The following CDH8 variants were observed in gnomAD, a reference collection of about 807,000 sequenced individuals.
CDH8 encodes the protein cadherin-8.
Under a neutral mutation model 68.1 loss-of-function variants are expected in CDH8, and 17 were observed. That is an observed-to-expected ratio of 0.25 (90% CI 0.17 to 0.37). CDH8 has a LOEUF of 0.37. Among genes scored for constraint, CDH8 ranks in the 10% least tolerant of loss-of-function variants. CDH8 has a pLI of 1.00. For missense variants in CDH8, 763 were observed against 999.3 expected (o/e 0.76, Z 3.19); for synonymous variants, 372 against 365.1 (o/e 1.02, Z -0.21).
intron 8 of CDH8, among the ~76,000 whole-genome samples, chr16:61,731,663 G>A (rs61221762): frequency 0.025 from 3,751 of 151,770 alleles, 152 homozygotes; most frequent in African/African-American, 0.085. Context: ...AGGAGGATTG[G>A]TAACTAGAAT....
chr16:61,935,798 G>A (rs982612222), intron 2 of CDH8, among the ~76,000 whole-genome samples: 29 of 152,122 alleles, frequency 1.9e-4, no homozygotes, highest in African/African-American at 3.6e-4. Flanking sequence ...AATGCATGCA[G>A]TATAACATCA....
chr16:61,936,255 A>C (rs1293184131), intron 2 of CDH8, among the ~76,000 whole-genome samples: 1 of 152,178 alleles, frequency 6.6e-6, no homozygotes, highest in African/African-American at 2.4e-5. Context: ...GTAAGAGAAA[A>C]AAATAGCATC....
Position 61,648,125 on chromosome 16 carries a change from G to A in CDH8, c.*5483C>T. The A allele has an allele frequency of 3.0e-6, 1 of 334,952 alleles. No individual in the cohort carries two copies. The highest frequency in any genetic ancestry group is 4.7e-5 in the Admixed American group (1 of 21,134). 20.7% of individuals were successfully genotyped at this position (334,952 alleles called of 1,614,324 possible). On this transcript the variant is annotated 3_prime_UTR_variant, in exon 12 of 12. Transcript: ENST00000577390. ...ACACTTACAACATTACAACTCAGGA[G>A]ATGACCCCAAATACCAGCATGTAAT...
rs1376364614 is a variant in CDH8, at chr16:61,650,139, T to C, written c.*3469A>G. 2 of 152,172 alleles carry C rather than the reference T, an allele frequency of 1.3e-5. No individual in the cohort carries two copies. Among genetic ancestry groups the C allele is most frequent in the Non-Finnish European group, 1.5e-5 (1 of 68,026 alleles). 9.4% of individuals were successfully genotyped at this position (152,172 alleles called of 1,614,324 possible). ...ACTTGAATTTAAAAATAGCATATTT[T>C]AGTCATCGTATTATAAATGTTTAGA... On this transcript the variant is annotated 3_prime_UTR_variant, in exon 12 of 12. Coordinates refer to ENST00000577390, the MANE Select transcript of CDH8 (RefSeq NM_001796.5).
At position 61,653,525 on chromosome 16, in the gene CDH8, T is replaced by C; in HGVS notation, c.*83A>G. On this transcript the variant is annotated 3_prime_UTR_variant, in exon 12 of 12. Coordinates refer to ENST00000577390, the MANE Select transcript of CDH8 (RefSeq NM_001796.5). ...GTGCTAAACTTGCCTCTAAAACAAA[T>C]AGCCACATTGGTTGTATCTAAGGGG... The C allele has an allele frequency of 6.6e-7, 1 of 1,511,620 alleles. No individual in the cohort carries two copies. 93.6% of individuals were successfully genotyped at this position (1,511,620 alleles called of 1,614,324 possible).
chr16:61,996,597 G>A (rs1309296274), intron 2 of CDH8, among the ~76,000 whole-genome samples: 1 of 151,970 alleles, frequency 6.6e-6, no homozygotes, highest in Non-Finnish European at 1.5e-5. Flanking sequence ...AGATAAGATG[G>A]TCACCAAGAA....
chr16:61,801,727 C>T (rs1257781733), intron 7 of CDH8, among the ~76,000 whole-genome samples: 2 of 152,180 alleles, frequency 1.3e-5, no homozygotes, highest in East Asian at 1.9e-4. Flanking sequence ...AAAATCGGGT[C>T]ACTCCCACCC....
chr16:61,944,982 C>G (rs1964778887), intron 2 of CDH8, among the ~76,000 whole-genome samples: 1 of 152,072 alleles, frequency 6.6e-6, no homozygotes, highest in South Asian at 2.1e-4. Flanking sequence ...AAATCTAAGA[C>G]AGCAGGTTCA....
Position 61,914,742 on chromosome 16 carries a change from T to TAA in CDH8, c.253-13271_253-13270dup, listed in dbSNP as rs536225911. 3.6e-4 allele frequency among the ~76,000 whole-genome samples: 47 copies of TAA among 129,368 alleles called. No individual in the cohort carries two copies. In the South Asian group the frequency reaches 6.4e-3, roughly 18 times the overall value. The allele number at this position is 129,368 out of a possible 152,430, so 84.9% of individuals were successfully genotyped here. A position where few individuals can be genotyped will look rare whatever the true frequency, so the allele number is the denominator to read the frequency against. On this transcript the variant is annotated intron_variant, in intron 2 of 11. Transcript: ENST00000577390. ...GTATAATAATAATAATAAAAAGAGT[T>TAA]AAAAAAAAAAAAAAAAGAATGATGC...
chr16:61,821,103 G>A lies in CDH8; in HGVS notation c.846C>T (p.His282=), dbSNP rs186698627. 1 of 1,609,408 alleles carries A rather than the reference G, an allele frequency of 6.2e-7. No homozygotes were observed. The highest frequency in any genetic ancestry group is 8.5e-7 in the Non-Finnish European group (1 of 1,177,038). The part of the protein sequence containing the change: ...NPPKFAQSLY[H]FSVPEDVVLG... ...GAACCACATCTTCCGGTACTGAGAA[G>A]TGATACAGGCCTTTAAAAAGAGGAG... Residue 282 remains histidine (H), a synonymous_variant, in exon 6 of 12, where the codon CAC becomes CAT. Transcript: ENST00000577390.
At chr16:61,948,468 T>C (rs1398063104) in intron 2 of CDH8, among the ~76,000 whole-genome samples, 4 of 152,098 alleles carry the variant, frequency 2.6e-5, no homozygotes, top group Middle Eastern at 3.2e-3. Flanking sequence ...AAATATGCTG[T>C]CCCCCAAAGG....
intron 10 of CDH8, among the ~76,000 whole-genome samples, chr16:61,685,175 T>C (rs1321204180): frequency 6.8e-6 from 1 of 146,834 alleles, no homozygotes; most frequent in African/African-American, 2.6e-5. Flanking sequence ...CTCTAAAGGG[T>C]CCTGTCTGAA....
intron 2 of CDH8, among the ~76,000 whole-genome samples, chr16:61,958,455 C>A (rs1423525604): frequency 1.3e-5 from 2 of 152,142 alleles, no homozygotes; most frequent in African/African-American, 4.8e-5. Flanking sequence ...TAATAAAATT[C>A]TATCATCCTT....
At position 61,767,592 on chromosome 16, in the gene CDH8, C is replaced by A. The variant is rs183034286; in HGVS notation, c.1414+21754G>T. ...AAAAAGTAGGGAGGTCAAAGTTATT[C>A]TTCTCTGGCAAGGACCCTCATTCAT... On this transcript the variant is annotated intron_variant, in intron 8 of 11. Coordinates refer to ENST00000577390, the MANE Select transcript of CDH8 (RefSeq NM_001796.5). 1.8e-4 allele frequency among the ~76,000 whole-genome samples: 27 copies of A among 152,000 alleles called. No individual in the cohort carries two copies. In the East Asian group the frequency reaches 5.2e-3, roughly 29 times the overall value.
At chr16:61,877,564 G>C (rs1597035751) in intron 3 of CDH8, among the ~76,000 whole-genome samples, 1 of 152,132 alleles carries the variant, frequency 6.6e-6, no homozygotes, top group East Asian at 1.9e-4. Flanking sequence ...TCAGAGTAGA[G>C]ACATTGTGAG....
chr16:61,749,083 T>C (rs1596929066), intron 8 of CDH8, among the ~76,000 whole-genome samples: 2 of 152,100 alleles, frequency 1.3e-5, no homozygotes, highest in East Asian at 3.9e-4. Flanking sequence ...AGTAGCAAAT[T>C]CATTTCATTT....
intron 2 of CDH8, among the ~76,000 whole-genome samples, chr16:62,017,617 G>A (rs946005892): frequency 2.0e-5 from 3 of 152,200 alleles, no homozygotes; most frequent in Non-Finnish European, 4.4e-5. Flanking sequence ...CGAGGCTTCA[G>A]TGAGCTGTGA....
chr16:61,784,105 A>G (rs1302146955), intron 8 of CDH8, among the ~76,000 whole-genome samples: 1 of 150,982 alleles, frequency 6.6e-6, no homozygotes, highest in Non-Finnish European at 1.5e-5. Flanking sequence ...TTAAATGTAA[A>G]TGGACTAAAT....
intron 3 of CDH8, among the ~76,000 whole-genome samples, chr16:61,866,768 C>A (rs759986858): frequency 1.1e-4 from 16 of 152,234 alleles, no homozygotes; most frequent in Middle Eastern, 6.8e-3. Flanking sequence ...TATTCTTATT[C>A]TGAGGCTCCA....
Sources: allele counts gnomAD v4.1 joint callset (sites outside exome capture counted in the v4.1 genomes callset), GRCh38; gene constraint gnomAD v4.1.1; transcripts MANE v1.5; gene names NCBI Gene and HGNC (gene_info 2026-07-23, HGNC 2026-07-21).